Variants in WWOX observed in about 807,000 individuals in gnomAD.
WWOX encodes the protein WW domain containing oxidoreductase.
WWOX carries 69 observed loss-of-function variants against 46.2 expected under a neutral mutation model. That is an observed-to-expected ratio of 1.49 (90% CI 1.23 to 1.82). WWOX has a LOEUF of 1.82. WWOX is among the 40% of genes most tolerant of loss of function. The pLI is 0.00. For synonymous variants in WWOX, 359 were observed against 202.6 expected (o/e 1.77, Z -6.56); for missense variants, 919 against 542.6 (o/e 1.69, Z -6.89).
intron 8 of WWOX, among the ~76,000 whole-genome samples, chr16:78,634,799 C>G (rs1383027008): frequency 7.4e-5 from 11 of 148,120 alleles, no homozygotes; most frequent in African/African-American, 2.8e-4. Flanking sequence ...TTTAGAGGCT[C>G]AGCACCCGAC....
rs568524000 is a variant in WWOX, at chr16:78,879,879, A to G, written c.1057-331729A>G. ...GCAACAACAGCAAAACTCTGTCTCA[A>G]AAAAAAAAAAGAAGAAGAAGAAGTA... On this transcript the variant is annotated intron_variant, in intron 8 of 8. Transcript: ENST00000566780. 2.9e-4 allele frequency among the ~76,000 whole-genome samples: 44 copies of G among 150,096 alleles called. No individual in the cohort carries two copies. In the South Asian group the frequency reaches 5.5e-3, roughly 19 times the overall value.
chr16:78,582,653 A>G (rs904101282), intron 8 of WWOX, among the ~76,000 whole-genome samples: 3 of 152,130 alleles, frequency 2.0e-5, no homozygotes, highest in Admixed American at 6.5e-5. Flanking sequence ...CGATACCTCT[A>G]TCTCCGCTTA....
At chr16:78,955,330 A>G (rs1358884008) in intron 8 of WWOX, among the ~76,000 whole-genome samples, 1 of 152,162 alleles carries the variant, frequency 6.6e-6, no homozygotes, top group East Asian at 1.9e-4. Context: ...CGTCAGTGAA[A>G]TCCGTTGAGA....
intron 8 of WWOX, chr16:79,016,866 C>T (rs2047424254): frequency 6.6e-6 from 1 of 152,186 alleles, no homozygotes; most frequent in Non-Finnish European, 1.5e-5. Flanking sequence ...GATAACGCCC[C>T]TCTGTGTATT....
chr16:78,160,039 A>G (rs1259607775), intron 4 of WWOX, among the ~76,000 whole-genome samples: 1 of 150,390 alleles, frequency 6.6e-6, no homozygotes, highest in African/African-American at 2.5e-5. Context: ...TTTTCTCTGT[A>G]TTTTATGTTT....
At chr16:78,367,026 C>G (rs571806578) in intron 5 of WWOX, among the ~76,000 whole-genome samples, 1 of 127,788 alleles carries the variant, frequency 7.8e-6, no homozygotes, top group East Asian at 2.5e-4. Flanking sequence ...GTTGCCCAGG[C>G]TGGAGTGCAG....
At chr16:78,534,877 C>A (rs566553732) in intron 8 of WWOX, among the ~76,000 whole-genome samples, 1 of 151,932 alleles carries the variant, frequency 6.6e-6, no homozygotes, top group Non-Finnish European at 1.5e-5. Flanking sequence ...TCATGCCTGG[C>A]TAATTTTTTG....
intron 8 of WWOX, among the ~76,000 whole-genome samples, chr16:78,849,299 G>A (rs1308388102): frequency 1.3e-5 from 2 of 152,096 alleles, no homozygotes; most frequent in African/African-American, 2.4e-5. Context: ...GGCCGGGCGC[G>A]GTGGCTCATG....
In WWOX at chr16:78,659,186, G is replaced by A. The variant is rs557113902; in HGVS notation, c.1056+226434G>A. 9.2e-5 allele frequency among the ~76,000 whole-genome samples: 14 copies of A among 152,080 alleles called. No individual in the cohort carries two copies. The South Asian group carries it at 2.7e-3, about 29-fold the overall frequency. ...ATGCTCTTTAACCCAGTATGAGCACGTGGTATTCTTATCCTCATTTTACAG... is the reference window on the plus strand; with the variant it reads ...ATGCTCTTTAACCCAGTATGAGCACATGGTATTCTTATCCTCATTTTACAG... On this transcript the variant is annotated intron_variant, in intron 8 of 8. Transcript: ENST00000566780.
intron 8 of WWOX, among the ~76,000 whole-genome samples, chr16:78,616,679 T>A (rs2151637687): frequency 6.6e-6 from 1 of 151,936 alleles, no homozygotes; most frequent in East Asian, 1.9e-4. Context: ...TGAGGCAGAA[T>A]TGCTTGAACC....
intron 5 of WWOX, among the ~76,000 whole-genome samples, chr16:78,324,302 C>G (rs1402323870): frequency 6.6e-6 from 1 of 152,072 alleles, no homozygotes; most frequent in South Asian, 2.1e-4. Context: ...GCAGGTGTTG[C>G]TGGGAATGTG....
intron 8 of WWOX, among the ~76,000 whole-genome samples, chr16:78,773,230 G>T (rs1227879247): frequency 6.6e-6 from 1 of 152,082 alleles, no homozygotes; most frequent in Non-Finnish European, 1.5e-5. Flanking sequence ...CTATTAATAA[G>T]TAGAGCCCGA....
intron 8 of WWOX, among the ~76,000 whole-genome samples, chr16:79,010,072 G>C (rs997672811): frequency 6.6e-6 from 1 of 152,116 alleles, no homozygotes; most frequent in African/African-American, 2.4e-5. Context: ...CAAAGGCCTT[G>C]GCCAGCTGCT....
chr16:78,833,275 G>A (rs1336278538), intron 8 of WWOX, among the ~76,000 whole-genome samples: 1 of 152,024 alleles, frequency 6.6e-6, no homozygotes, highest in East Asian at 1.9e-4. Flanking sequence ...TTGAACTCCT[G>A]GCTTCAAGCA....
intron 8 of WWOX, among the ~76,000 whole-genome samples, chr16:79,210,366 G>T (rs2051684427): frequency 6.6e-6 from 1 of 152,136 alleles, no homozygotes; most frequent in African/African-American, 2.4e-5. Context: ...CAAGCATAGT[G>T]ATTGCAAACC....
intron 8 of WWOX, among the ~76,000 whole-genome samples, chr16:79,073,366 G>T (rs954894926): frequency 3.3e-5 from 5 of 151,924 alleles, no homozygotes; most frequent in African/African-American, 1.2e-4. Context: ...TTTTAGTGGA[G>T]ACAGGGTTTC....
intron 8 of WWOX, among the ~76,000 whole-genome samples, chr16:79,064,151 CA>C (rs1364087241): frequency 2.0e-5 from 3 of 152,178 alleles, no homozygotes; most frequent in African/African-American, 7.2e-5. Flanking sequence ...TCTTCCATCA[CA>C]GGCAAAATGT....
At chr16:78,128,311 T>C (rs757149837) in intron 4 of WWOX, among the ~76,000 whole-genome samples, 3 of 152,082 alleles carry the variant, frequency 2.0e-5, no homozygotes, top group Non-Finnish European at 4.4e-5. Context: ...TGGGTGGTGA[T>C]GACTAAAATT....
At chr16:78,950,973 T>C (rs1313476068) in intron 8 of WWOX, among the ~76,000 whole-genome samples, 2 of 152,194 alleles carry the variant, frequency 1.3e-5, no homozygotes, top group Non-Finnish European at 2.9e-5. Context: ...CCAGCCCCGC[T>C]CAACCGCCTC....
Sources: gnomAD v4.1 joint callset for allele counts (sites outside exome capture counted in the v4.1 genomes callset) on GRCh38, gnomAD v4.1.1 for gene constraint, MANE v1.5 for transcripts, NCBI Gene and HGNC (gene_info 2026-07-23, HGNC 2026-07-21) for gene names.